The following SDHB variants were observed in gnomAD, a reference collection of about 807,000 sequenced individuals.
SDHB encodes the protein succinate dehydrogenase complex iron sulfur subunit B.
In SDHB, 21 loss-of-function variants were observed where a neutral mutation model predicts 39.7. The observed-to-expected ratio is 0.53, with a 90% CI of 0.37 to 0.76. The LOEUF (loss-of-function observed/expected upper bound fraction) is 0.76. Ranked by LOEUF, SDHB falls within the 30% of genes least tolerant of loss-of-function variation. The probability of loss-of-function intolerance (pLI) is 0.00; values close to 1 mark genes in which losing one functional copy is unlikely to be tolerated. For synonymous variants in SDHB, 118 were observed against 117.0 expected (o/e 1.01, Z -0.06); for missense variants, 343 against 350.9 (o/e 0.98, Z 0.18).
At chr1:17,024,308 T>C (rs2101517122) in intron 5 of SDHB, among the ~76,000 whole-genome samples, 1 of 152,252 alleles carries the variant, frequency 6.6e-6, no homozygotes, top group East Asian at 1.9e-4. Flanking sequence ...TAGTGCACTT[T>C]CCCTTTAATA....
At chr1:17,028,799 C>CT in intron 3 of SDHB, 63 bp from the exon 4 acceptor site, 3 of 1,591,456 alleles carry the variant, frequency 1.9e-6, no homozygotes, top group South Asian at 2.2e-5. Context: ...GCCCCAAATA[C>CT]TTTCTTCTGG....
At chr1:17,028,827 A>C (rs999333231) in intron 3 of SDHB, 91 bp from the exon 4 acceptor site, 8 of 1,463,922 alleles carry the variant, frequency 5.5e-6, no homozygotes, top group Non-Finnish European at 7.6e-6. Context: ...TTGCTGTGCC[A>C]TCAGGGGCAG....
chr1:17,039,026 T>C (rs1570954660), intron 2 of SDHB, among the ~76,000 whole-genome samples: 1 of 152,194 alleles, frequency 6.6e-6, no homozygotes. Flanking sequence ...AAACAGCATA[T>C]GGTTGGGTTT....
At chr1:17,053,822 GGGA>G in intron 1 of SDHB, 123 bp downstream of exon 1, 1 of 742,316 alleles carries the variant, frequency 1.3e-6, no homozygotes, top group Non-Finnish European at 2.4e-6. Context: ...CTGCACCAGG[GGGA>G]GGAGGTCCTC....
Position 17,022,600 on chromosome 1 carries a change from C to T in SDHB, c.765+8G>A, listed in dbSNP as rs1553177265. 3 of 1,613,670 alleles carry T rather than the reference C, an allele frequency of 1.9e-6. No individual in the cohort carries two copies. Among genetic ancestry groups the T allele is most frequent in the Non-Finnish European group, 2.5e-6 (3 of 1,179,678 alleles). On this transcript the variant is annotated splice_region_variant and intron_variant, in intron 7 of 7. Transcript: ENST00000375499. ...GAGGCAGAGCTGAGGGTCACCAGCCCCACGTACCTTAGGACAGGTCCTTGT... is the reference window on the plus strand; with the variant it reads ...GAGGCAGAGCTGAGGGTCACCAGCCTCACGTACCTTAGGACAGGTCCTTGT...
chr1:17,037,934 C>T (rs994639320), intron 2 of SDHB, among the ~76,000 whole-genome samples: 1 of 152,088 alleles, frequency 6.6e-6, no homozygotes, highest in Admixed American at 6.5e-5. Context: ...GTCAGGAGTT[C>T]GAGACCAGCC....
intron 2 of SDHB, among the ~76,000 whole-genome samples, chr1:17,042,436 A>C (rs1373215604): frequency 6.6e-6 from 1 of 152,090 alleles, no homozygotes; most frequent in Non-Finnish European, 1.5e-5. Flanking sequence ...AGCTACTGTG[A>C]CAAAACTGGA....
chr1:17,033,202 A>C, intron 2 of SDHB, 57 bp from the exon 3 acceptor site: 1 of 1,294,166 alleles, frequency 7.7e-7, no homozygotes, highest in Non-Finnish European at 1.1e-6. Flanking sequence ...CCTACACTTT[A>C]TCATAATATA....
chr1:17,054,015 G>C lies in SDHB; in HGVS notation c.5C>G (p.Ala2Gly). The C allele has an allele frequency of 6.2e-7, 1 of 1,609,640 alleles. No individual in the cohort carries two copies. The highest frequency in any genetic ancestry group is 8.5e-7 in the Non-Finnish European group (1 of 1,177,536). ...CCTCAAGGAGAGGGCGACCACCGCC[G>C]CCATCTTGGCTCCTGACGTCAGCCC... M[A>G]AVVALSLRRR... The change falls in exon 1 of 8, where the codon GCG (alanine) becomes GGG (glycine). Residue 2 changes from alanine to glycine, a missense_variant. Ala to Gly is a moderately conservative substitution (Grantham distance 60). Coordinates refer to ENST00000375499, the MANE Select transcript of SDHB (RefSeq NM_003000.3).
intron 5 of SDHB, among the ~76,000 whole-genome samples, chr1:17,025,816 T>C (rs1325341760): frequency 6.6e-6 from 1 of 152,210 alleles, no homozygotes; most frequent in Non-Finnish European, 1.5e-5. Context: ...TGAGTAAATT[T>C]CTATTACAGG....
chr1:17,033,562 G>C (rs1478512053), intron 2 of SDHB, among the ~76,000 whole-genome samples: 1 of 152,186 alleles, frequency 6.6e-6, no homozygotes, highest in East Asian at 1.9e-4. Context: ...ATAGTACAGA[G>C]AATAAAAGAC....
At chr1:17,049,966 G>C (rs2078136106) in intron 1 of SDHB, among the ~76,000 whole-genome samples, 1 of 152,052 alleles carries the variant, frequency 6.6e-6, no homozygotes, top group South Asian at 2.1e-4. Flanking sequence ...TAGTTCTAAA[G>C]CCTGATTTAG....
At chr1:17,019,336 C>A (rs944994099) in intron 7 of SDHB, among the ~76,000 whole-genome samples, 2 of 152,316 alleles carry the variant, frequency 1.3e-5, no homozygotes, top group South Asian at 4.1e-4. Context: ...TTTACATCAT[C>A]ATTATTAAAT....
chr1:17,019,755 T>TA (rs1313799884), intron 7 of SDHB, among the ~76,000 whole-genome samples: 2 of 152,112 alleles, frequency 1.3e-5, no homozygotes, highest in Non-Finnish European at 1.5e-5. Context: ...AAAATATATA[T>TA]TTTTTTGACA....
intron 2 of SDHB, among the ~76,000 whole-genome samples, chr1:17,041,300 T>A (rs1160857424): frequency 6.6e-6 from 1 of 152,256 alleles, no homozygotes; most frequent in Non-Finnish European, 1.5e-5. Context: ...GGCTTTTCAA[T>A]AGTTTCTACT....
intron 1 of SDHB, among the ~76,000 whole-genome samples, chr1:17,052,789 A>G (rs2078156102): frequency 6.6e-6 from 1 of 152,226 alleles, no homozygotes; most frequent in African/African-American, 2.4e-5. Flanking sequence ...TTATGCAGCC[A>G]TAGCAGGCAC....
At chr1:17,044,959 C>A (rs2078101577) in intron 1 of SDHB, 71 bp from the exon 2 acceptor site, 1 of 1,378,666 alleles carries the variant, frequency 7.3e-7, no homozygotes, top group African/African-American at 1.4e-5. Context: ...TTTGCTGGCA[C>A]AACAGATGTA....
intron 7 of SDHB, among the ~76,000 whole-genome samples, chr1:17,020,417 T>G (rs372797319): frequency 6.6e-6 from 1 of 152,196 alleles, no homozygotes; most frequent in African/African-American, 2.4e-5. Flanking sequence ...CCCTTCCAGT[T>G]TCATGATCGG....
At chr1:17,044,934 A>G in intron 1 of SDHB, 46 bp from the exon 2 acceptor site, 1 of 1,571,170 alleles carries the variant, frequency 6.4e-7, no homozygotes, top group Non-Finnish European at 8.7e-7. Context: ...AATTAGAAAT[A>G]CAAGATAATT....
Sources: allele counts gnomAD v4.1 joint callset (sites outside exome capture counted in the v4.1 genomes callset), GRCh38; gene constraint gnomAD v4.1.1; transcripts MANE v1.5; gene names NCBI Gene and HGNC (gene_info 2026-07-23, HGNC 2026-07-21).